UNC5A: variants seen among roughly 807,000 people sequenced by gnomAD.
The protein encoded by UNC5A is unc-5 netrin receptor A.
UNC5A carries 20 observed loss-of-function variants against 87.4 expected under a neutral mutation model. That is an observed-to-expected ratio of 0.23 (90% CI 0.16 to 0.33). UNC5A has a LOEUF of 0.33. Among genes scored for constraint, UNC5A ranks in the 10% least tolerant of loss-of-function variants. The probability of loss-of-function intolerance (pLI) is 1.00; values close to 1 mark genes in which losing one functional copy is unlikely to be tolerated. For missense variants in UNC5A, 844 were observed against 1,133.4 expected (o/e 0.74, Z 3.67); for synonymous variants, 438 against 482.3 (o/e 0.91, Z 1.20).
At chr5:176,853,799 C>A (rs1463735065) in intron 1 of UNC5A, among the ~76,000 whole-genome samples, 1 of 152,176 alleles carries the variant, frequency 6.6e-6, no homozygotes, top group Non-Finnish European at 1.5e-5. Flanking sequence ...CCTGTCCCTG[C>A]CGTCCAGGGA....
intron 5 of UNC5A, 37 bp from the exon 6 acceptor site, chr5:176,870,333 G>A (rs762281475): frequency 2.5e-6 from 4 of 1,604,406 alleles, no homozygotes. Flanking sequence ...CTCCCAGGCT[G>A]ACCGCACCGT....
In UNC5A at chr5:176,841,300, G is replaced by A. The variant is rs1237017271; in HGVS notation, c.71-21324G>A. On this transcript the variant is annotated intron_variant, in intron 1 of 14. Coordinates refer to ENST00000329542, the MANE Select transcript of UNC5A (RefSeq NM_133369.3). The surrounding 1 kb of genome is among the most constrained non-coding windows in gnomAD (Gnocchi z 4.1). ...GAGCTGTGCCAGAGTGAGCCAGCCA[G>A]AGGTGAAGCGGGGACTCAGACTCAG... Among the ~76,000 whole-genome samples the A allele has an allele frequency of 6.6e-6, 1 of 152,196 alleles. No homozygotes were observed. The highest frequency in any genetic ancestry group is 1.9e-4 in the East Asian group (1 of 5,202).
At chr5:176,831,123 C>T (rs1473332100) in intron 1 of UNC5A, among the ~76,000 whole-genome samples, 1 of 152,074 alleles carries the variant, frequency 6.6e-6, no homozygotes, top group African/African-American at 2.4e-5. Context: ...CCCTCACCTA[C>T]CCCAGTGAAA....
chr5:176,813,206 C>A (rs891709005), intron 1 of UNC5A, among the ~76,000 whole-genome samples: 3 of 152,236 alleles, frequency 2.0e-5, no homozygotes, highest in African/African-American at 7.2e-5. Context: ...GGCATGCAAA[C>A]CCCCACCCTG....
At chr5:176,877,742 G>A in intron 10 of UNC5A, 39 bp downstream of exon 10, 2 of 1,558,186 alleles carry the variant, frequency 1.3e-6, no homozygotes, top group Middle Eastern at 2.0e-4. Context: ...AAGGGAACGT[G>A]GGCTAACTGC....
At chr5:176,877,506 C>A (rs550723381) in intron 9 of UNC5A, 29 bp from the exon 10 acceptor site, 3 of 1,560,746 alleles carry the variant, frequency 1.9e-6, no homozygotes, top group Admixed American at 3.6e-5. Context: ...TGACACCTTT[C>A]CCTCCCCACC....
intron 1 of UNC5A, among the ~76,000 whole-genome samples, chr5:176,823,433 T>G (rs564989167): frequency 6.6e-6 from 1 of 151,838 alleles, no homozygotes; most frequent in Non-Finnish European, 1.5e-5. Context: ...AGGCAGGCAC[T>G]GGGGGCGAAG....
At chr5:176,857,732 C>T (rs994121596) in intron 1 of UNC5A, among the ~76,000 whole-genome samples, 9 of 152,322 alleles carry the variant, frequency 5.9e-5, no homozygotes, top group South Asian at 2.1e-4. Flanking sequence ...GTTCCCACTT[C>T]AGGGCTTGAG....
chr5:176,823,077 G>A (rs1756767580), intron 1 of UNC5A, among the ~76,000 whole-genome samples: 1 of 151,814 alleles, frequency 6.6e-6, no homozygotes, highest in Non-Finnish European at 1.5e-5. Flanking sequence ...ATGACGAGGC[G>A]TCCCTCCCTG....
At chr5:176,855,467 G>T (rs1278234811) in intron 1 of UNC5A, among the ~76,000 whole-genome samples, 1 of 152,250 alleles carries the variant, frequency 6.6e-6, no homozygotes, top group Non-Finnish European at 1.5e-5. Flanking sequence ...TCAGCCCCTG[G>T]ACCACGTGGC....
chr5:176,869,751 C>G lies in UNC5A; in HGVS notation c.722-619C>G. 1.6e-6 allele frequency: 1 copy of G among 628,262 alleles called. No homozygotes were observed. Among genetic ancestry groups the G allele is most frequent in the Non-Finnish European group, 2.9e-6 (1 of 342,520 alleles). The allele number at this position is 628,262 out of a possible 1,614,324, so 38.9% of individuals were successfully genotyped here. ...CGCTTTCTGTGAGGGGCAGAATGTC[C>G]AGAAAACAGCCTGCGCCACCCTGTG... On this transcript the variant is annotated intron_variant, in intron 5 of 14. Transcript: ENST00000329542. The surrounding 1 kb of genome is among the most constrained non-coding windows in gnomAD (Gnocchi z 9.1).
chr5:176,862,529 C>T (rs926323720), intron 1 of UNC5A, 95 bp from the exon 2 acceptor site: 18 of 1,194,622 alleles, frequency 1.5e-5, no homozygotes, highest in Non-Finnish European at 2.0e-5. Flanking sequence ...CTCCTCCCAT[C>T]TGCCCCAACC....
At chr5:176,858,381 A>G (rs934044551) in intron 1 of UNC5A, among the ~76,000 whole-genome samples, 6 of 152,132 alleles carry the variant, frequency 3.9e-5, no homozygotes, top group African/African-American at 1.4e-4. Flanking sequence ...AGGGAGTTTC[A>G]GGCAGAGACC....
intron 1 of UNC5A, among the ~76,000 whole-genome samples, chr5:176,859,020 A>T (rs1757749925): frequency 6.6e-6 from 1 of 152,216 alleles, no homozygotes. Context: ...GCCCAGGAAG[A>T]TTCCTGTAGC....
At chr5:176,877,490 G>A in intron 9 of UNC5A, 45 bp from the exon 10 acceptor site, 1 of 1,550,396 alleles carries the variant, frequency 6.4e-7, no homozygotes, top group Non-Finnish European at 8.7e-7. Flanking sequence ...ACCCAGGATG[G>A]GCCACTGACA....
At chr5:176,843,371 C>G (rs964770233) in intron 1 of UNC5A, among the ~76,000 whole-genome samples, 4 of 151,996 alleles carry the variant, frequency 2.6e-5, no homozygotes, top group African/African-American at 9.7e-5. Context: ...ACGAAGGACT[C>G]CATTCTGCAT....
chr5:176,879,167 C>A (rs1758345592), intron 13 of UNC5A, 143 bp from the exon 14 acceptor site: 2 of 1,030,720 alleles, frequency 1.9e-6, no homozygotes, highest in Non-Finnish European at 2.8e-6. Context: ...AGGGCCTTGG[C>A]ACATGGGAGG....
intron 1 of UNC5A, among the ~76,000 whole-genome samples, chr5:176,831,686 G>A (rs1029418606): frequency 7.9e-5 from 12 of 152,152 alleles, no homozygotes; most frequent in African/African-American, 2.2e-4. Flanking sequence ...CTGTCTCCTC[G>A]TCTCCTGCCC....
At position 176,842,492 on chromosome 5, in the gene UNC5A, G is replaced by GATATATATATATATATATATATATAT. The variant is rs35268512; in HGVS notation, c.71-20114_71-20113insATATATATATATATATATATATATAT. ...GTCAATCAACAAATGGAGAAACTGT[G>GATATATATATATATATATATATATAT]ATATATATATATATATATGATGGAA... On this transcript the variant is annotated intron_variant, in intron 1 of 14. Transcript: ENST00000329542. Among the ~76,000 whole-genome samples the GATATATATATATATATATATATATAT allele has an allele frequency of 1.7e-3, 250 of 145,510 alleles. 6 individuals carry two copies. The highest frequency in any genetic ancestry group is 6.4e-3 in the African/African-American group (242 of 37,622).
Sources: allele counts gnomAD v4.1 joint callset (sites outside exome capture counted in the v4.1 genomes callset), GRCh38; gene constraint gnomAD v4.1.1; non-coding constraint Gnocchi (gnomAD v3.1); transcripts MANE v1.5; gene names NCBI Gene and HGNC (gene_info 2026-07-23, HGNC 2026-07-21).